NUBPL: variants seen among roughly 807,000 people sequenced by gnomAD.
NUBPL encodes iron-sulfur cluster transfer protein NUBPL.
In NUBPL, 31 loss-of-function variants were observed where a neutral mutation model predicts 45.7. The observed-to-expected ratio is 0.68, with a 90% confidence interval of 0.51 to 0.92. The LOEUF is 0.92. NUBPL is among the 40% of genes least tolerant of loss of function. The probability of loss-of-function intolerance (pLI) is 0.00; values close to 1 mark genes in which losing one functional copy is unlikely to be tolerated. For missense variants in NUBPL, 401 were observed against 398.7 expected (o/e 1.01, Z -0.05); for synonymous variants, 144 against 140.9 (o/e 1.02, Z -0.15).
At chr14:31,810,372 T>C (rs2039777132) in intron 7 of NUBPL, among the ~76,000 whole-genome samples, 1 of 152,206 alleles carries the variant, frequency 6.6e-6, no homozygotes. Context: ...CATTATGTAA[T>C]GGCCGTCTTT....
intron 6 of NUBPL, among the ~76,000 whole-genome samples, chr14:31,691,397 A>G (rs2037090796): frequency 6.6e-6 from 1 of 152,248 alleles, no homozygotes; most frequent in African/African-American, 2.4e-5. Context: ...AAGGCTTCTG[A>G]TCAACAGCAG....
intron 4 of NUBPL, among the ~76,000 whole-genome samples, chr14:31,621,854 A>C (rs1444890956): frequency 6.6e-6 from 1 of 152,118 alleles, no homozygotes; most frequent in Non-Finnish European, 1.5e-5. Flanking sequence ...AGAGTGGGGT[A>C]CTCCTCTAAA....
At chr14:31,845,325 G>A (rs2040435342) in intron 8 of NUBPL, 1 of 152,040 alleles carries the variant, frequency 6.6e-6, no homozygotes, top group Non-Finnish European at 1.5e-5. Context: ...TTACTCTTTT[G>A]TTAGCACTGT....
intron 3 of NUBPL, among the ~76,000 whole-genome samples, chr14:31,592,781 G>A (rs2034176355): frequency 6.6e-6 from 1 of 152,020 alleles, no homozygotes. Flanking sequence ...ATACCCTGGA[G>A]TGCTACATAT....
chr14:31,718,753 C>T (rs2037742824), intron 6 of NUBPL, among the ~76,000 whole-genome samples: 1 of 152,062 alleles, frequency 6.6e-6, no homozygotes, highest in African/African-American at 2.4e-5. Context: ...ACTTGGAAAG[C>T]CAGGTTTTGT....
chr14:31,646,071 TG>T (rs1300787493), intron 4 of NUBPL, among the ~76,000 whole-genome samples: 1 of 152,140 alleles, frequency 6.6e-6, no homozygotes, highest in Non-Finnish European at 1.5e-5. Flanking sequence ...ATGGATCTGG[TG>T]GTGGTGAATT....
intron 8 of NUBPL, among the ~76,000 whole-genome samples, chr14:31,841,603 C>T (rs528500083): frequency 2.0e-5 from 3 of 152,220 alleles, no homozygotes; most frequent in African/African-American, 7.2e-5. Context: ...TGAATCATAT[C>T]TTTTGATTAA....
intron 10 of NUBPL, among the ~76,000 whole-genome samples, chr14:31,852,178 G>T (rs7147907): frequency 6.6e-6 from 1 of 151,986 alleles, no homozygotes; most frequent in East Asian, 1.9e-4. Flanking sequence ...TAATGAGGAA[G>T]ATGAGAAAGA....
chr14:31,774,183 T>C, intron 6 of NUBPL, among the ~76,000 whole-genome samples: 2 of 152,224 alleles, frequency 1.3e-5, no homozygotes, highest in East Asian at 3.8e-4. Context: ...GCTGATGTTA[T>C]TTTCATCTGG....
chr14:31,666,263 A>ATATATATATATATATATATATTATT, intron 4 of NUBPL, among the ~76,000 whole-genome samples: 1 of 111,874 alleles, frequency 8.9e-6, no homozygotes, highest in Non-Finnish European at 1.9e-5. Context: ...ATATATATAT[A>ATATATATATATATATATATATTATT]ATTTTATTTT....
chr14:31,813,169 A>C (rs903351071), intron 7 of NUBPL, among the ~76,000 whole-genome samples: 1 of 151,704 alleles, frequency 6.6e-6, no homozygotes, highest in Admixed American at 6.6e-5. Context: ...TTGTATTTTT[A>C]GCAGAGACGG....
chr14:31,777,412 CAA>C (rs1197646457), intron 6 of NUBPL, among the ~76,000 whole-genome samples: 1 of 152,124 alleles, frequency 6.6e-6, no homozygotes, highest in East Asian at 1.9e-4. Context: ...AAATTTGAAC[CAA>C]AGTCTCTTGG....
intron 4 of NUBPL, among the ~76,000 whole-genome samples, chr14:31,638,167 C>T (rs2035564646): frequency 6.6e-6 from 1 of 151,598 alleles, no homozygotes; most frequent in Non-Finnish European, 1.5e-5. Flanking sequence ...TTAGTTGATG[C>T]AATTTCTTCC....
intron 10 of NUBPL, among the ~76,000 whole-genome samples, chr14:31,855,903 C>T (rs181025997): frequency 6.6e-6 from 1 of 152,232 alleles, no homozygotes; most frequent in East Asian, 1.9e-4. Context: ...GTTTCCTTAT[C>T]TGTAAAGTCG....
intron 10 of NUBPL, among the ~76,000 whole-genome samples, chr14:31,851,222 T>A (rs8005635): frequency 0.055 from 8,176 of 149,712 alleles, 624 homozygotes; most frequent in African/African-American, 0.18. Context: ...CAATCAATCT[T>A]CTAATAGTTT....
At chr14:31,683,352 C>CTT (rs34890900) in intron 6 of NUBPL, among the ~76,000 whole-genome samples, 2,312 of 91,170 alleles carry the variant, frequency 0.025, 45 homozygotes, top group African/African-American at 0.037. Context: ...ATAAAACAAT[C>CTT]TTTTTTTTTT....
chr14:31,742,037 C>T (rs770732677), intron 6 of NUBPL, among the ~76,000 whole-genome samples: 7 of 151,934 alleles, frequency 4.6e-5, no homozygotes, highest in Non-Finnish European at 8.8e-5. Flanking sequence ...CTCCCTCCCC[C>T]TAAAAAAGCC....
At chr14:31,694,955 A>G (rs1020887307) in intron 6 of NUBPL, among the ~76,000 whole-genome samples, 23 of 152,258 alleles carry the variant, frequency 1.5e-4, no homozygotes, top group African/African-American at 4.8e-4. Flanking sequence ...ACTTGTAATA[A>G]TAAGCAAGAA....
At chr14:31,573,434 G>A (rs1402282404) in intron 3 of NUBPL, among the ~76,000 whole-genome samples, 5 of 152,042 alleles carry the variant, frequency 3.3e-5, no homozygotes, top group African/African-American at 1.2e-4. Flanking sequence ...TGGTCTGTCT[G>A]GTTTTCTATG....
Sources: gnomAD v4.1 joint callset for allele counts (sites outside exome capture counted in the v4.1 genomes callset) on GRCh38, gnomAD v4.1.1 for gene constraint, MANE v1.5 for transcripts, NCBI Gene and HGNC (gene_info 2026-07-23, HGNC 2026-07-21) for gene names.